Variants in AIFM1 observed in about 807,000 individuals in gnomAD.
The protein encoded by AIFM1 is apoptosis-inducing factor 1, mitochondrial.
AIFM1 carries 3 observed loss-of-function variants against 51.7 expected under a neutral mutation model. The ratio of observed to expected loss-of-function variants is 0.06; its 90% confidence interval spans 0.03 to 0.15. The LOEUF (loss-of-function observed/expected upper bound fraction) is 0.15. AIFM1 is among the 10% of genes least tolerant of loss of function. AIFM1 has a pLI of 1.00. For missense variants in AIFM1, 330 were observed against 476.8 expected, an observed-to-expected ratio of 0.69 and a Z score of 2.87; for synonymous variants, 178 against 179.4, an observed-to-expected ratio of 0.99 and a Z score of 0.06.
At chrX:130,145,449 C>A in intron 6 of AIFM1, 30 bp downstream of exon 6, 1 of 1,114,940 alleles carries the variant, frequency 9.0e-7, no homozygotes, top group Non-Finnish European at 1.2e-6. Context: ...GTACGTAGAG[C>A]CTGACAAAAG....
chrX:130,131,874 T>C, intron 13 of AIFM1, 75 bp from the exon 14 acceptor site: 2 of 1,137,492 alleles, frequency 1.8e-6, no homozygotes, highest in South Asian at 3.8e-5. Context: ...TCCATGACAC[T>C]GCATTTTTTT....
At chrX:130,132,290 A>G (rs779309122) in intron 13 of AIFM1, among the ~76,000 whole-genome samples, 1 of 112,416 alleles carries the variant, frequency 8.9e-6, no homozygotes, top group African/African-American at 3.2e-5. Flanking sequence ...TAACCCTAAT[A>G]GCTTTGACTT....
intron 6 of AIFM1, among the ~76,000 whole-genome samples, chrX:130,142,876 C>T (rs754928671): frequency 2.7e-5 from 3 of 111,675 alleles, no homozygotes; most frequent in East Asian, 5.6e-4. Flanking sequence ...TAACTCCAGA[C>T]CTCAAGTGAT....
At chrX:130,144,144 C>T (rs2053538715) in intron 6 of AIFM1, among the ~76,000 whole-genome samples, 1 of 111,621 alleles carries the variant, frequency 9.0e-6, no homozygotes, top group Non-Finnish European at 1.9e-5. Flanking sequence ...AGAATAGGTA[C>T]TATACAAATT....
intron 14 of AIFM1, among the ~76,000 whole-genome samples, chrX:130,130,691 C>T (rs2124644818): frequency 8.9e-6 from 1 of 112,643 alleles, no homozygotes; most frequent in East Asian, 2.8e-4. Flanking sequence ...GGAACATTTC[C>T]ATCGCAGCAG....
intron 1 of AIFM1, among the ~76,000 whole-genome samples, chrX:130,158,468 C>T (rs767801109): frequency 9.1e-6 from 1 of 109,949 alleles, no homozygotes; most frequent in South Asian, 3.9e-4. Flanking sequence ...AGGCCCCAGG[C>T]CCAGAGGTTC....
At chrX:130,140,753 G>A in intron 6 of AIFM1, 136 bp from the exon 7 acceptor site, 2 of 526,814 alleles carry the variant, frequency 3.8e-6, no homozygotes, top group South Asian at 2.6e-5. Context: ...TCACAAGGTT[G>A]TGCCACCATC....
intron 2 of AIFM1, among the ~76,000 whole-genome samples, chrX:130,153,541 C>T (rs5932720): frequency 9.1e-6 from 1 of 110,345 alleles, no homozygotes; most frequent in Non-Finnish European, 1.9e-5. Flanking sequence ...CTGAATGTTT[C>T]CTATTCCTAT....
intron 1 of AIFM1, among the ~76,000 whole-genome samples, chrX:130,157,896 A>G (rs1429154183): frequency 9.6e-6 from 1 of 104,410 alleles, no homozygotes; most frequent in East Asian, 3.0e-4. Flanking sequence ...CGGAGGTTGC[A>G]GTGAGCCGAG....
At position 130,131,664 on chromosome X, in the gene AIFM1, G is replaced by A. The variant is rs766548939; in HGVS notation, c.1573+11C>T. On this transcript the variant is annotated intron_variant, in intron 14 of 15. Coordinates refer to ENST00000287295, the MANE Select transcript of AIFM1 (RefSeq NM_004208.4). ...CAACACTCTCCAAGAGGAGTGCTAGGACTTTCTTACCTGACTGCTCTGTGG... is the reference window on the plus strand; with the variant it reads ...CAACACTCTCCAAGAGGAGTGCTAGAACTTTCTTACCTGACTGCTCTGTGG... The A allele has an allele frequency of 1.7e-6, 2 of 1,210,307 alleles. No homozygotes were observed. Among genetic ancestry groups the A allele is most frequent in the African/African-American group, 1.7e-5 (1 of 57,308 alleles).
intron 2 of AIFM1, chrX:130,155,281 G>A (rs1422137776): frequency 1.7e-6 from 2 of 1,207,874 alleles, no homozygotes; most frequent in African/African-American, 3.5e-5. Context: ...TGATGAGACT[G>A]CACAACTGTA....
intron 6 of AIFM1, among the ~76,000 whole-genome samples, chrX:130,141,787 C>G (rs1423345029): frequency 8.9e-6 from 1 of 111,934 alleles, no homozygotes; most frequent in Admixed American, 9.5e-5. Context: ...TCTCCTAAAC[C>G]TCTCCTCCTA....
intron 9 of AIFM1, chrX:130,137,499 C>G: frequency 2.6e-6 from 3 of 1,167,386 alleles, no homozygotes; most frequent in Non-Finnish European, 3.4e-6. Context: ...AAGCATCCTC[C>G]TGAAAAGATG....
chrX:130,143,579 G>A lies in AIFM1; in HGVS notation c.696+1900C>T, dbSNP rs1463263945. ...TCAAGAAGTAATACTGGCTGGACAC[G>A]ATGGCTCATGCCTGTAATCTCAGCA... is the stretch of plus-strand genomic sequence containing the variant. On this transcript the variant is annotated intron_variant, in intron 6 of 15. Coordinates refer to ENST00000287295, the MANE Select transcript of AIFM1 (RefSeq NM_004208.4). 3.6e-5 allele frequency among the ~76,000 whole-genome samples: 4 copies of A among 110,938 alleles called. No homozygotes were observed. The East Asian group carries it at 8.4e-4, about 23-fold the overall frequency.
chrX:130,130,298 C>CTAGAAG, intron 14 of AIFM1, 132 bp from the exon 15 acceptor site: 1 of 734,743 alleles, frequency 1.4e-6, no homozygotes, highest in Non-Finnish European at 2.0e-6. Context: ...ATTTATTTCT[C>CTAGAAG]TATGCCCCCT....
intron 6 of AIFM1, among the ~76,000 whole-genome samples, chrX:130,140,898 C>G (rs2030552614): frequency 8.9e-6 from 1 of 112,262 alleles, no homozygotes. Context: ...AGGCAGATCA[C>G]TGAGGCCACG....
chrX:130,141,030 C>T (rs1412271184), intron 6 of AIFM1, among the ~76,000 whole-genome samples: 1 of 112,127 alleles, frequency 8.9e-6, no homozygotes, highest in African/African-American at 3.2e-5. Flanking sequence ...GCAGGAGAAT[C>T]GCTTGAACCT....
At chrX:130,146,078 A>G (rs754575994) in intron 5 of AIFM1, among the ~76,000 whole-genome samples, 13 of 111,927 alleles carry the variant, frequency 1.2e-4, no homozygotes, top group Non-Finnish European at 2.1e-4. Context: ...ACAACTAATT[A>G]TAGCTCCTGA....
intron 2 of AIFM1, among the ~76,000 whole-genome samples, chrX:130,150,977 C>CAAAAAAAAA (rs759870161): frequency 5.8e-4 from 16 of 27,801 alleles, no homozygotes; most frequent in African/African-American, 7.1e-4. Flanking sequence ...GACTCTGTCT[C>CAAAAAAAAA]AAAAAAAAAA....
Sources: gnomAD v4.1 joint callset for allele counts (sites outside exome capture counted in the v4.1 genomes callset) on GRCh38, gnomAD v4.1.1 for gene constraint, MANE v1.5 for transcripts, NCBI Gene and HGNC (gene_info 2026-07-23, HGNC 2026-07-21) for gene names.